The following NFKBID variants were observed in gnomAD, a reference collection of about 807,000 sequenced individuals.
NFKBID encodes NF-kappa-B inhibitor delta.
NFKBID carries 26 observed loss-of-function variants against 53.4 expected under a neutral mutation model. The ratio of observed to expected loss-of-function variants is 0.49; its 90% confidence interval spans 0.36 to 0.68. The LOEUF (loss-of-function observed/expected upper bound fraction) is 0.68. NFKBID is among the 30% of genes least tolerant of loss of function. NFKBID has a pLI of 0.00. For missense variants in NFKBID, 493 were observed against 614.1 expected (o/e 0.80, Z 2.08); for synonymous variants, 262 against 259.8 (o/e 1.01, Z -0.08).
chr19:35,895,940 C>A (rs1213618022), intron 9 of NFKBID, 40 bp downstream of exon 9: 1 of 1,584,610 alleles, frequency 6.3e-7, no homozygotes, highest in Admixed American at 1.7e-5. Context: ...CCCCATTCCA[C>A]ACAATCTCCC....
At chr19:35,888,740 G>C (rs1974549894) in intron 11 of NFKBID, 128 bp from the exon 12 acceptor site, 11 of 704,536 alleles carry the variant, frequency 1.6e-5, no homozygotes, top group Non-Finnish European at 2.5e-5. Flanking sequence ...GAAGATCAGA[G>C]GTCCAGAGTC....
At position 35,897,643 on chromosome 19, in the gene NFKBID, T is replaced by C; in HGVS notation, c.432+8A>G. Reference sequence around the variant, plus strand: ...CCTTCAGCATCCTGTACCCACTCTGTATCTCACCTCCATGCCCTGGGGAAA... The same window carrying C: ...CCTTCAGCATCCTGTACCCACTCTGCATCTCACCTCCATGCCCTGGGGAAA... On this transcript the variant is annotated splice_region_variant and intron_variant, in intron 4 of 11. Transcript: ENST00000641389. 1.4e-6 allele frequency: 2 copies of C among 1,455,260 alleles called. No individual in the cohort carries two copies. Among genetic ancestry groups the C allele is most frequent in the South Asian group, 1.1e-5 (1 of 87,888 alleles). 90.1% of individuals were successfully genotyped at this position (1,455,260 alleles called of 1,614,324 possible).
intron 11 of NFKBID, among the ~76,000 whole-genome samples, chr19:35,889,199 A>AC (rs1161967309): frequency 2.0e-5 from 3 of 150,688 alleles, no homozygotes; most frequent in African/African-American, 7.4e-5. Context: ...AAAAAAAAAA[A>AC]AACAAAATTA....
In NFKBID at chr19:35,896,292, T is replaced by C; in HGVS notation, c.832-23A>G. 1 of 1,614,158 alleles carries C rather than the reference T, an allele frequency of 6.2e-7. No individual in the cohort carries two copies. Among genetic ancestry groups the C allele is most frequent in the Non-Finnish European group, 8.5e-7 (1 of 1,179,996 alleles). On this transcript the variant is annotated intron_variant, in intron 7 of 11. Coordinates refer to ENST00000641389, the Ensembl canonical transcript of NFKBID. The surrounding 1 kb of genome is among the most constrained non-coding windows in gnomAD (Gnocchi z 5.7). ...AGCCTGGGAGGAAGAGAAGGCAGAC[T>C]GCTGGGTAAGGGTATCCCCTGGCCT...
intron 3 of NFKBID, among the ~76,000 whole-genome samples, 174 bp downstream of exon 3, chr19:35,898,298 G>A (rs1972507301): frequency 6.6e-6 from 1 of 151,496 alleles, no homozygotes; most frequent in South Asian, 2.1e-4. Context: ...CAGTGAGCCA[G>A]ATAGCGCCAC....
intron 9 of NFKBID, among the ~76,000 whole-genome samples, chr19:35,891,399 T>A (rs755798433): frequency 1.3e-5 from 2 of 152,046 alleles, no homozygotes; most frequent in Non-Finnish European, 2.9e-5. Flanking sequence ...AGATTAAGAG[T>A]GATTTGAAAA....
intron 9 of NFKBID, among the ~76,000 whole-genome samples, chr19:35,892,920 C>T (rs1403354636): frequency 6.6e-6 from 1 of 152,166 alleles, no homozygotes; most frequent in Non-Finnish European, 1.5e-5. Context: ...AATCCCAGCA[C>T]TTGGGAGGCC....
At chr19:35,889,936 T>C (rs1307084718) in exon 11 of NFKBID, 1 of 1,611,784 alleles carries the variant, frequency 6.2e-7, no homozygotes, top group Non-Finnish European at 8.5e-7. Flanking sequence ...GGGCTGCTCA[T>C]TCTCCAGGTT....
At chr19:35,891,738 A>G (rs949210156) in intron 9 of NFKBID, among the ~76,000 whole-genome samples, 3 of 152,048 alleles carry the variant, frequency 2.0e-5, no homozygotes, top group Non-Finnish European at 4.4e-5. Context: ...GTGGTGGCAC[A>G]TGCCTATAAT....
chr19:35,896,532 G>A lies in NFKBID; in HGVS notation c.691C>T (p.Leu231Phe). 6.2e-7 allele frequency: 1 copy of A among 1,614,076 alleles called. No homozygotes were observed. Among genetic ancestry groups the A allele is most frequent in the Non-Finnish European group, 8.5e-7 (1 of 1,179,960 alleles). The change falls in exon 7 of 12, where the codon CTC becomes TTC. Residue 231 changes from leucine to phenylalanine, a missense_variant. By Grantham distance (22) the Leu-to-Phe change is conservative. Transcript: ENST00000641389. The surrounding 1 kb of genome is among the most constrained non-coding windows in gnomAD (Gnocchi z 5.7). Reference sequence around the variant, plus strand: ...TGGTTGGCAGCAGCCGCCACCAGGAGAGGGGTCTGCAGGCCACAGGAGAAG... The same window carrying A: ...TGGTTGGCAGCAGCCGCCACCAGGAAAGGGGTCTGCAGGCCACAGGAGAAG...
exon 10 of NFKBID, chr19:35,890,402 C>A (rs1333500150): frequency 6.2e-7 from 1 of 1,613,402 alleles, no homozygotes; most frequent in African/African-American, 1.3e-5. Flanking sequence ...CCGCAGGTCT[C>A]CCCGGGGCAG....
At chr19:35,897,125 G>C (rs1054444441) in intron 4 of NFKBID, 67 bp from the exon 5 acceptor site, 2 of 1,531,254 alleles carry the variant, frequency 1.3e-6, no homozygotes, top group Admixed American at 2.2e-5. Context: ...AGGTGGTGGG[G>C]AGACCCAGTC....
intron 9 of NFKBID, among the ~76,000 whole-genome samples, chr19:35,892,442 C>T (rs1974832841): frequency 1.3e-5 from 2 of 150,826 alleles, no homozygotes; most frequent in South Asian, 4.2e-4. Context: ...CCCAGCTACT[C>T]GGGAGGCTGA....
chr19:35,896,980 C>A lies in NFKBID; in HGVS notation c.511G>T (p.Val171Leu). The change falls in exon 5 of 12, where the codon GTG (valine) becomes TTG (leucine). Residue 171 changes from valine (V) to leucine (L), a missense_variant. Transcript: ENST00000641389. This position sits in a 1 kb window ranked among gnomAD's most constrained non-coding sequence, Gnocchi z 5.7. ...AAAGCCAGCATGTGAGCTCGGGCCA[C>A]CTCCAGCGATGGTCCAGGGACCACA... 1 of 1,608,612 alleles carries A rather than the reference C, an allele frequency of 6.2e-7. No individual in the cohort carries two copies. The highest frequency in any genetic ancestry group is 8.5e-7 in the Non-Finnish European group (1 of 1,177,894).
chr19:35,896,458 G>A lies in NFKBID; in HGVS notation c.765C>T (p.Ala255=), dbSNP rs770936566. 1.2e-5 allele frequency: 19 copies of A among 1,614,044 alleles called. No homozygotes were observed. The highest frequency in any genetic ancestry group is 1.1e-4 in the South Asian group (10 of 91,086). The change falls in exon 7 of 12, where the codon GCC becomes GCT. Residue 255 remains alanine (A), a synonymous_variant. Transcript: ENST00000641389. The surrounding 1 kb of genome is among the most constrained non-coding windows in gnomAD (Gnocchi z 5.7). The stretch of plus-strand genomic sequence containing the variant: ...AGACCGAACGTCCCTGATGGTCAGC[G>A]GCATTGGGCTCTGCTCCCAGGTTCA...
chr19:35,901,477 G>C (rs1240029398), upstream of NFKBID: 1 of 152,234 alleles, frequency 6.6e-6, no homozygotes, highest in African/African-American at 2.4e-5. Flanking sequence ...CCCTGGAGCT[G>C]GCATTCCAGT....
chr19:35,892,263 G>A (rs759861429), intron 9 of NFKBID, among the ~76,000 whole-genome samples: 2 of 151,982 alleles, frequency 1.3e-5, no homozygotes, highest in Non-Finnish European at 2.9e-5. Context: ...TGTTGCCCAG[G>A]TTGGTCTCGA....
intron 3 of NFKBID, among the ~76,000 whole-genome samples, chr19:35,898,101 G>A (rs1975308370): frequency 6.6e-6 from 1 of 152,130 alleles, no homozygotes; most frequent in South Asian, 2.1e-4. Context: ...GGACTCAAGA[G>A]AACCTAGGAA....
At chr19:35,897,652 T>A (rs1975274938) in exon 4 of NFKBID, 1 of 1,535,090 alleles carries the variant, frequency 6.5e-7, no homozygotes, top group Non-Finnish European at 9.0e-7. Context: ...GTATCTCACC[T>A]CCATGCCCTG....
Sources: allele counts gnomAD v4.1 joint callset (sites outside exome capture counted in the v4.1 genomes callset), GRCh38; gene constraint gnomAD v4.1.1; non-coding constraint Gnocchi (gnomAD v3.1); transcripts MANE v1.5; gene names NCBI Gene and HGNC (gene_info 2026-07-23, HGNC 2026-07-21).